The following LYZL4 variants were observed in gnomAD, a reference collection of about 807,000 sequenced individuals.
The protein encoded by LYZL4 is lysozyme like 4.
A neutral mutation model predicts 17.6 loss-of-function variants in LYZL4; 13 were observed. The ratio of observed to expected loss-of-function variants is 0.74; its 90% CI spans 0.48 to 1.18. LYZL4 has a LOEUF of 1.18. Among genes scored for constraint, LYZL4 ranks in the 50% most tolerant of loss-of-function variants. LYZL4 has a pLI of 0.00. For synonymous variants in LYZL4, 64 were observed against 67.7 expected (o/e 0.95, Z 0.27); for missense variants, 174 against 188.2 (o/e 0.92, Z 0.44).
intron 4 of LYZL4, among the ~76,000 whole-genome samples, chr3:42,399,199 G>GC (rs1698610332): frequency 6.6e-6 from 1 of 152,206 alleles, no homozygotes. Flanking sequence ...AGGCTGGTGA[G>GC]CTGAGGAGAA....
At chr3:42,370,519 T>C in the LYZL4 span, among the ~76,000 whole-genome samples, 1 of 152,170 alleles carries the variant, frequency 6.6e-6, no homozygotes, top group Non-Finnish European at 1.5e-5. Context: ...TGGCCTGAAG[T>C]AGAGTCATGC....
the LYZL4 span, among the ~76,000 whole-genome samples, chr3:42,384,345 C>T: frequency 1.4e-4 from 22 of 152,004 alleles, no homozygotes; most frequent in South Asian, 2.5e-3. Flanking sequence ...AGGGTATAAA[C>T]CAAGAAGAAA....
chr3:42,362,049 G>A, the LYZL4 span, among the ~76,000 whole-genome samples: 4 of 152,082 alleles, frequency 2.6e-5, no homozygotes, highest in African/African-American at 7.2e-5. Context: ...CAGTTGGCAC[G>A]CCCTCCCAGT....
chr3:42,370,365 C>T, the LYZL4 span, among the ~76,000 whole-genome samples: 3 of 149,200 alleles, frequency 2.0e-5, no homozygotes, highest in African/African-American at 7.4e-5. Flanking sequence ...GGGAATATTA[C>T]TGAGCCTGAT....
the LYZL4 span, among the ~76,000 whole-genome samples, chr3:42,363,187 G>C: frequency 6.6e-6 from 1 of 152,006 alleles, no homozygotes; most frequent in Non-Finnish European, 1.5e-5. Context: ...AAAATAAATA[G>C]ACATAACCAT....
intron 4 of LYZL4, among the ~76,000 whole-genome samples, chr3:42,399,584 C>T (rs1242857561): frequency 6.6e-6 from 1 of 152,142 alleles, no homozygotes; most frequent in Non-Finnish European, 1.5e-5. Context: ...AGGTGCAGCT[C>T]AGTGTGGACA....
At chr3:42,386,821 T>C in the LYZL4 span, among the ~76,000 whole-genome samples, 1 of 152,198 alleles carries the variant, frequency 6.6e-6, no homozygotes, top group Admixed American at 6.5e-5. Context: ...AATGCTATGA[T>C]GTCTTGGATT....
chr3:42,377,623 C>CTGTGTGTGTGTG, the LYZL4 span, among the ~76,000 whole-genome samples: 2 of 92,530 alleles, frequency 2.2e-5, no homozygotes, highest in East Asian at 3.8e-4. Context: ...ATGCATGACT[C>CTGTGTGTGTGTG]TCTGTGTGTG....
At chr3:42,365,236 G>A in the LYZL4 span, among the ~76,000 whole-genome samples, 353 of 152,214 alleles carry the variant, frequency 2.3e-3, no homozygotes, top group Non-Finnish European at 3.6e-3. Flanking sequence ...TATAAGATTG[G>A]AACCAAGTGG....
At chr3:42,382,055 GAGA>G in the LYZL4 span, among the ~76,000 whole-genome samples, 1 of 152,208 alleles carries the variant, frequency 6.6e-6, no homozygotes, top group Non-Finnish European at 1.5e-5. Flanking sequence ...TTCTAGAGAG[GAGA>G]AGAAGTAAGA....
At chr3:42,393,113 T>C (rs1269517623), downstream of LYZL4, among the ~76,000 whole-genome samples, 1 of 152,084 alleles carries the variant, frequency 6.6e-6, no homozygotes, top group Non-Finnish European at 1.5e-5. Context: ...GCTAGAGCAC[T>C]TCAGGGAGGA....
At chr3:42,385,169 C>A in the LYZL4 span, among the ~76,000 whole-genome samples, 3 of 144,702 alleles carry the variant, frequency 2.1e-5, no homozygotes, top group Non-Finnish European at 4.5e-5. Context: ...TTTGTAAAGT[C>A]TTTTGCCTCT....
chr3:42,372,613 C>A, the LYZL4 span, among the ~76,000 whole-genome samples: 7 of 152,188 alleles, frequency 4.6e-5, no homozygotes, highest in Non-Finnish European at 1.0e-4. Flanking sequence ...ATTGTCCCCC[C>A]CAGCAAAGGG....
chr3:42,374,216 G>A, the LYZL4 span, among the ~76,000 whole-genome samples: 3 of 152,148 alleles, frequency 2.0e-5, no homozygotes, highest in Non-Finnish European at 4.4e-5. Context: ...AAGGTGTGAG[G>A]AAACAAAGGC....
At chr3:42,395,959 G>A (rs1305243652), downstream of LYZL4, among the ~76,000 whole-genome samples, 1 of 152,120 alleles carries the variant, frequency 6.6e-6, no homozygotes, top group African/African-American at 2.4e-5. Flanking sequence ...CTACTCGGGA[G>A]GCTGAGTCAG....
At chr3:42,390,277 G>T in the LYZL4 span, among the ~76,000 whole-genome samples, 49 of 152,252 alleles carry the variant, frequency 3.2e-4, no homozygotes, top group Non-Finnish European at 5.4e-4. Context: ...AGCAGGCAAG[G>T]CTTTTAATAA....
downstream of LYZL4, among the ~76,000 whole-genome samples, chr3:42,393,743 G>A (rs1007046318): frequency 6.6e-6 from 1 of 152,138 alleles, no homozygotes; most frequent in African/African-American, 2.4e-5. Context: ...GGATTCAGTA[G>A]GTCAGACACA....
chr3:42,372,821 A>G, the LYZL4 span, among the ~76,000 whole-genome samples: 1 of 152,198 alleles, frequency 6.6e-6, no homozygotes, highest in East Asian at 1.9e-4. Context: ...CATGGGAAAG[A>G]TCACTGTGGG....
intron 1 of LYZL4, among the ~76,000 whole-genome samples, chr3:42,408,241 CCA>C (rs1408374813): frequency 2.6e-5 from 4 of 152,156 alleles, no homozygotes; most frequent in Admixed American, 2.6e-4. Context: ...CACAGCAAAC[CCA>C]CACTTGGCTT....
Sources: allele counts gnomAD v4.1 joint callset (sites outside exome capture counted in the v4.1 genomes callset), GRCh38; gene constraint gnomAD v4.1.1; transcripts MANE v1.5; gene names NCBI Gene and HGNC (gene_info 2026-07-23, HGNC 2026-07-21).